Variants in EVI5 observed in about 807,000 individuals in gnomAD.
The protein encoded by EVI5 is ecotropic viral integration site 5, also known as ecotropic viral integration site 5 protein homolog.
A neutral mutation model predicts 112.0 loss-of-function variants in EVI5; 73 were observed. The ratio of observed to expected loss-of-function variants is 0.65; its 90% CI spans 0.54 to 0.79. EVI5 has a LOEUF of 0.79. Among genes scored for constraint, EVI5 ranks in the 30% least tolerant of loss-of-function variants. EVI5 has a pLI of 0.00. For synonymous variants in EVI5, 305 were observed against 319.9 expected, an observed-to-expected ratio of 0.95 and a Z score of 0.50; for missense variants, 900 against 968.8, an observed-to-expected ratio of 0.93 and a Z score of 0.94.
intron 19 of EVI5, among the ~76,000 whole-genome samples, chr1:92,523,863 A>C (rs1254202185): frequency 6.6e-6 from 1 of 152,118 alleles, no homozygotes; most frequent in Non-Finnish European, 1.5e-5. Flanking sequence ...AGGCTGGTGG[A>C]TCACTTGAGG....
chr1:92,599,952 T>C (rs1648763438), intron 18 of EVI5, among the ~76,000 whole-genome samples: 1 of 152,152 alleles, frequency 6.6e-6, no homozygotes, highest in Non-Finnish European at 1.5e-5. Context: ...TTCTATGTTT[T>C]AGAGAGACAG....
At chr1:92,531,379 G>T (rs953939681) in intron 19 of EVI5, among the ~76,000 whole-genome samples, 2 of 152,148 alleles carry the variant, frequency 1.3e-5, no homozygotes, top group Non-Finnish European at 2.9e-5. Flanking sequence ...GTATTATCCA[G>T]GAGAGCTTCC....
chr1:92,790,457 T>C (rs1371900072), intron 1 of EVI5, among the ~76,000 whole-genome samples: 2 of 151,348 alleles, frequency 1.3e-5, no homozygotes, highest in Non-Finnish European at 2.9e-5. Context: ...GTAGCACTAT[T>C]AAAGAAAAAG....
Position 92,767,220 on chromosome 1 carries a change from T to C in EVI5, c.-82+17616A>G, listed in dbSNP as rs577767543. 3.3e-5 allele frequency among the ~76,000 whole-genome samples: 5 copies of C among 152,354 alleles called. No homozygotes were observed. In the East Asian group the frequency reaches 9.6e-4, roughly 29 times the overall value. On this transcript the variant is annotated intron_variant, in intron 1 of 19. Transcript: ENST00000684568. ...CTATCCGCCTGTTAGTTACTTAGTA[T>C]GCATCTCATTTATCAGATCCACTAT... is the stretch of plus-strand genomic sequence containing the variant.
At chr1:92,677,741 T>C (rs999818264) in intron 9 of EVI5, among the ~76,000 whole-genome samples, 1 of 152,216 alleles carries the variant, frequency 6.6e-6, no homozygotes, top group Non-Finnish European at 1.5e-5. Flanking sequence ...CACTAATGGA[T>C]GCTAAAATTA....
intron 14 of EVI5, among the ~76,000 whole-genome samples, chr1:92,634,457 C>G (rs1283194257): frequency 6.6e-6 from 1 of 152,146 alleles, no homozygotes; most frequent in Non-Finnish European, 1.5e-5. Context: ...ACCCTTTCTT[C>G]CACTTGATCG....
rs368702475 is a variant in EVI5, at chr1:92,559,643, G to A, written c.2166+3999C>T. On this transcript the variant is annotated intron_variant, in intron 19 of 19. Transcript: ENST00000684568. ...GCAAAAATTAGCCAGGCATGGTGGT[G>A]TGTGCCTGTAACCCTAGCTACTCGG... Among the ~76,000 whole-genome samples the A allele has an allele frequency of 5.8e-4, 88 of 151,956 alleles. 1 individual carries two copies. Among genetic ancestry groups the A allele is most frequent in the African/African-American group, 2.0e-3 (83 of 41,410 alleles).
intron 15 of EVI5, among the ~76,000 whole-genome samples, chr1:92,624,866 C>T (rs373621790): frequency 6.6e-6 from 1 of 152,148 alleles, no homozygotes; most frequent in Non-Finnish European, 1.5e-5. Context: ...TTTTGCCCCG[C>T]CAGGGGACAT....
rs939788540 is a variant in EVI5, at chr1:92,648,754, G to A, written c.1393-12418C>T. Among the ~76,000 whole-genome samples the A allele has an allele frequency of 7.2e-5, 11 of 152,154 alleles. No individual in the cohort carries two copies. The Middle Eastern group carries it at 0.01, about 141-fold the overall frequency. On this transcript the variant is annotated intron_variant, in intron 13 of 19. Coordinates refer to ENST00000684568, the MANE Select transcript of EVI5 (RefSeq NM_001350197.2). ...GAATAATATTCCATTGTGTGTATAC[G>A]ACAATTTGTTAATCCATTCACCCAC...
At chr1:92,644,454 G>A (rs943704659) in intron 13 of EVI5, among the ~76,000 whole-genome samples, 8 of 152,120 alleles carry the variant, frequency 5.3e-5, no homozygotes, top group Non-Finnish European at 8.8e-5. Context: ...ATTTCAAGAA[G>A]CCAGCTTTTG....
intron 1 of EVI5, chr1:92,749,081 A>C (rs535272941): frequency 5.9e-6 from 1 of 170,594 alleles, no homozygotes; most frequent in Non-Finnish European, 1.2e-5. Flanking sequence ...AAAAAAAAAA[A>C]AAAAGAAAAA....
intron 10 of EVI5, among the ~76,000 whole-genome samples, chr1:92,674,623 C>T (rs1572228413): frequency 6.6e-6 from 1 of 150,670 alleles, no homozygotes; most frequent in East Asian, 2.0e-4. Context: ...CACCATGGCA[C>T]GTGTATACCT....
intron 5 of EVI5, chr1:92,700,849 T>C (rs1671036903): frequency 1.3e-5 from 2 of 152,172 alleles, no homozygotes; most frequent in South Asian, 4.1e-4. Flanking sequence ...CAATACTAAA[T>C]AAAGTAGGAA....
At chr1:92,685,110 C>G (rs1360481012) in intron 9 of EVI5, among the ~76,000 whole-genome samples, 4 of 152,046 alleles carry the variant, frequency 2.6e-5, no homozygotes, top group Admixed American at 6.6e-5. Flanking sequence ...ACATTCTTCT[C>G]AGCACCACAT....
chr1:92,591,701 G>A (rs1353050356), intron 18 of EVI5, among the ~76,000 whole-genome samples: 12 of 151,330 alleles, frequency 7.9e-5, no homozygotes, highest in South Asian at 4.2e-4. Context: ...TAGACAGATC[G>A]AGACAGAAAG....
In EVI5 at chr1:92,605,173, TA is replaced by T. The variant is rs559362121; in HGVS notation, c.2070+133del. The T allele has an allele frequency of 3.3e-3, 2,116 of 633,682 alleles. 4 individuals are homozygous for T. The highest frequency in any genetic ancestry group is 4.8e-3 in the Non-Finnish European group (1,771 of 367,866). 39.3% of individuals were successfully genotyped at this position (633,682 alleles called of 1,614,324 possible). A position where few individuals can be genotyped will look rare whatever the true frequency, so the allele number is the denominator to read the frequency against. On this transcript the variant is annotated intron_variant, in intron 18 of 19. Coordinates refer to ENST00000684568, the MANE Select transcript of EVI5 (RefSeq NM_001350197.2). ...AAGTTTTATGTCTATTTTACCACAA[TA>T]AAAAAAAATTGGAAATGAATGATTA...
intron 8 of EVI5, 99 bp from the exon 9 acceptor site, chr1:92,693,998 A>C: frequency 2.2e-5 from 17 of 784,826 alleles, no homozygotes; most frequent in Non-Finnish European, 3.0e-5. Context: ...GTGGTGGCTC[A>C]TGCTTGTAAT....
chr1:92,634,698 T>C (rs896770416), intron 14 of EVI5, among the ~76,000 whole-genome samples: 3 of 152,180 alleles, frequency 2.0e-5, no homozygotes, highest in African/African-American at 4.8e-5. Context: ...CATTCTCCAT[T>C]CAGCTTTTTT....
intron 2 of EVI5, among the ~76,000 whole-genome samples, chr1:92,707,644 T>C (rs925607109): frequency 2.0e-5 from 3 of 152,168 alleles, no homozygotes; most frequent in African/African-American, 7.2e-5. Context: ...AGACTGACCA[T>C]ACCAAATGTT....
Sources: gnomAD v4.1 joint callset for allele counts (sites outside exome capture counted in the v4.1 genomes callset) on GRCh38, gnomAD v4.1.1 for gene constraint, MANE v1.5 for transcripts, NCBI Gene and HGNC (gene_info 2026-07-23, HGNC 2026-07-21) for gene names.